The following ARHGAP15 variants were observed in gnomAD, a reference collection of about 807,000 sequenced individuals.
ARHGAP15 encodes the protein Rho GTPase activating protein 15, also known as rho GTPase-activating protein 15.
Under a neutral mutation model 63.7 loss-of-function variants are expected in ARHGAP15, and 51 were observed. The observed-to-expected ratio is 0.80, with a 90% CI of 0.64 to 1.01. ARHGAP15 has a LOEUF of 1.01. Among genes scored for constraint, ARHGAP15 ranks in the 50% least tolerant of loss-of-function variants. The pLI is 0.00. For synonymous variants in ARHGAP15, 191 were observed against 193.8 expected, an observed-to-expected ratio of 0.99 and a Z score of 0.12; for missense variants, 560 against 564.6, an observed-to-expected ratio of 0.99 and a Z score of 0.08.
chr2:143,159,080 C>T (rs997162026), intron 2 of ARHGAP15, among the ~76,000 whole-genome samples: 69 of 151,930 alleles, frequency 4.5e-4, no homozygotes, highest in African/African-American at 1.7e-3. Context: ...TCACCGTTTC[C>T]ATCTTGTAAA....
At chr2:143,420,142 A>G (rs1198589479) in intron 6 of ARHGAP15, among the ~76,000 whole-genome samples, 1 of 152,158 alleles carries the variant, frequency 6.6e-6, no homozygotes, top group Non-Finnish European at 1.5e-5. Context: ...GGGGAAATGC[A>G]GTTCACCAAT....
At chr2:143,526,576 A>G (rs780139720) in intron 10 of ARHGAP15, among the ~76,000 whole-genome samples, 5 of 152,192 alleles carry the variant, frequency 3.3e-5, no homozygotes, top group Non-Finnish European at 7.3e-5. Context: ...TGTCATTTAC[A>G]CAGTGGGAGT....
chr2:143,506,828 A>G (rs1202775467), intron 9 of ARHGAP15, among the ~76,000 whole-genome samples: 1 of 152,180 alleles, frequency 6.6e-6, no homozygotes, highest in East Asian at 1.9e-4. Flanking sequence ...TATTAGACTA[A>G]TTAGTCTGTC....
intron 12 of ARHGAP15, among the ~76,000 whole-genome samples, chr2:143,633,762 T>C (rs546620805): frequency 1.1e-4 from 16 of 152,226 alleles, no homozygotes; most frequent in African/African-American, 3.6e-4. Flanking sequence ...TGGAATTGAG[T>C]GGTTGGTTTT....
At chr2:143,205,827 A>G (rs1377764925) in intron 3 of ARHGAP15, among the ~76,000 whole-genome samples, 1 of 151,946 alleles carries the variant, frequency 6.6e-6, no homozygotes, top group African/African-American at 2.4e-5. Flanking sequence ...TTCTGATGAA[A>G]CGTCTCAATG....
At chr2:143,720,886 G>A (rs1338316722) in intron 13 of ARHGAP15, among the ~76,000 whole-genome samples, 2 of 151,876 alleles carry the variant, frequency 1.3e-5, no homozygotes, top group Non-Finnish European at 2.9e-5. Context: ...TGGCTAACAC[G>A]GTGAAACCCC....
At chr2:143,413,916 A>AAGGT (rs1419505380) in intron 6 of ARHGAP15, among the ~76,000 whole-genome samples, 3 of 134,272 alleles carry the variant, frequency 2.2e-5, no homozygotes, top group Non-Finnish European at 1.6e-5. Context: ...CCCTAGATGG[A>AAGGT]AGGTAGGTAG....
chr2:143,288,299 C>T (rs902876542), intron 6 of ARHGAP15, among the ~76,000 whole-genome samples: 4 of 152,052 alleles, frequency 2.6e-5, no homozygotes, highest in Admixed American at 6.6e-5. Flanking sequence ...CTTGGAGTCA[C>T]GTACACAACA....
At chr2:143,263,359 T>C (rs772489723) in intron 6 of ARHGAP15, among the ~76,000 whole-genome samples, 2 of 152,084 alleles carry the variant, frequency 1.3e-5, no homozygotes, top group African/African-American at 4.8e-5. Flanking sequence ...GAATCACTGT[T>C]CCCCCAAGGA....
intron 6 of ARHGAP15, among the ~76,000 whole-genome samples, chr2:143,310,380 A>G (rs1683387907): frequency 2.0e-5 from 3 of 152,040 alleles, no homozygotes; most frequent in African/African-American, 7.2e-5. Context: ...AAGATTAGAA[A>G]TCATTTCCTA....
chr2:143,149,260 C>CCTTCGCTCCTCGTGGTGGAT (rs1379070833), intron 1 of ARHGAP15, among the ~76,000 whole-genome samples: 17 of 152,074 alleles, frequency 1.1e-4, no homozygotes, highest in Non-Finnish European at 2.4e-4. Context: ...TCGTGGTGGA[C>CCTTCGCTCCTCGTGGTGGAT]CTTCGCTCCT....
chr2:143,599,992 A>G (rs1245317220), intron 11 of ARHGAP15, among the ~76,000 whole-genome samples: 1 of 152,140 alleles, frequency 6.6e-6, no homozygotes. Context: ...TATCCTCATC[A>G]ACACTTCAGA....
chr2:143,587,897 T>G, intron 11 of ARHGAP15: 1 of 294,650 alleles, frequency 3.4e-6, no homozygotes, highest in South Asian at 3.6e-5. Context: ...TCTACTGTTG[T>G]TAGCACCTCA....
chr2:143,319,053 T>G (rs1323414773), intron 6 of ARHGAP15, among the ~76,000 whole-genome samples: 3 of 152,124 alleles, frequency 2.0e-5, no homozygotes, highest in Non-Finnish European at 4.4e-5. Flanking sequence ...AGTTACCTAC[T>G]TTTCCCCTTA....
At chr2:143,384,991 C>T (rs1038387117) in intron 6 of ARHGAP15, among the ~76,000 whole-genome samples, 3 of 152,178 alleles carry the variant, frequency 2.0e-5, no homozygotes, top group African/African-American at 7.2e-5. Flanking sequence ...AAAGCCCATA[C>T]TGTCAAGCAC....
At chr2:143,415,195 T>C (rs966420239) in intron 6 of ARHGAP15, among the ~76,000 whole-genome samples, 3 of 152,134 alleles carry the variant, frequency 2.0e-5, no homozygotes, top group African/African-American at 4.8e-5. Flanking sequence ...CAAGTGATCA[T>C]CTCATTCATT....
intron 12 of ARHGAP15, among the ~76,000 whole-genome samples, chr2:143,690,683 A>G (rs563813445): frequency 1.3e-5 from 2 of 152,260 alleles, no homozygotes; most frequent in East Asian, 3.9e-4. Flanking sequence ...TTCTTTATAA[A>G]AAGAATTTTG....
intron 11 of ARHGAP15, among the ~76,000 whole-genome samples, chr2:143,620,391 T>G (rs933892310): frequency 6.6e-6 from 1 of 152,224 alleles, no homozygotes; most frequent in Non-Finnish European, 1.5e-5. Flanking sequence ...GTTTTGTATC[T>G]GTTTATATAA....
intron 6 of ARHGAP15, among the ~76,000 whole-genome samples, chr2:143,251,121 T>C (rs1241474807): frequency 6.6e-6 from 1 of 152,080 alleles, no homozygotes; most frequent in Non-Finnish European, 1.5e-5. Context: ...ATTGCAATCA[T>C]ATTCGATTGA....
Sources: gnomAD v4.1 joint callset for allele counts (sites outside exome capture counted in the v4.1 genomes callset) on GRCh38, gnomAD v4.1.1 for gene constraint, MANE v1.5 for transcripts, NCBI Gene and HGNC (gene_info 2026-07-23, HGNC 2026-07-21) for gene names.